Variants in GNS observed in about 807,000 individuals in gnomAD.
The protein encoded by GNS is N-acetylglucosamine-6-sulfatase.
A neutral mutation model predicts 69.7 loss-of-function variants in GNS; 40 were observed. That is an observed-to-expected ratio of 0.57 (90% CI 0.45 to 0.75). GNS has a LOEUF of 0.75. Among genes scored for constraint, GNS ranks in the 30% least tolerant of loss-of-function variants. GNS has a pLI of 0.00. For missense variants in GNS, 565 were observed against 685.5 expected (o/e 0.82, Z 1.96); for synonymous variants, 243 against 251.6 (o/e 0.97, Z 0.32).
intron 9 of GNS, among the ~76,000 whole-genome samples, chr12:64,732,427 C>G (rs372761887): frequency 2.0e-5 from 3 of 150,860 alleles, no homozygotes; most frequent in Admixed American, 2.0e-4. Context: ...CTCAGCCTCC[C>G]AAAGTGCTGG....
chr12:64,729,827 A>T (rs1869325584), intron 9 of GNS, among the ~76,000 whole-genome samples: 1 of 152,248 alleles, frequency 6.6e-6, no homozygotes, highest in Non-Finnish European at 1.5e-5. Context: ...ATTAATAAAA[A>T]CAGGTAAAAC....
At chr12:64,738,337 A>G (rs7137057) in intron 8 of GNS, among the ~76,000 whole-genome samples, 1 of 152,160 alleles carries the variant, frequency 6.6e-6, no homozygotes, top group Admixed American at 6.5e-5. Context: ...TAATAACCAG[A>G]GTCAGATGCA....
chr12:64,745,536 T>C (rs1023610405), intron 4 of GNS, 123 bp downstream of exon 4: 10 of 781,990 alleles, frequency 1.3e-5, no homozygotes, highest in Middle Eastern at 4.5e-4. Flanking sequence ...CAATAAATTT[T>C]AAGGTTTTTA....
At chr12:64,718,346 G>A (rs1298143985) in intron 13 of GNS, among the ~76,000 whole-genome samples, 2 of 152,244 alleles carry the variant, frequency 1.3e-5, no homozygotes, top group African/African-American at 2.4e-5. Flanking sequence ...CCAGCATCTA[G>A]CACTTTAGTT....
chr12:64,744,085 C>G (rs1385850673), intron 5 of GNS, among the ~76,000 whole-genome samples: 1 of 152,212 alleles, frequency 6.6e-6, no homozygotes, highest in Admixed American at 6.5e-5. Flanking sequence ...TAGCACTCTT[C>G]CCCCTGATCT....
At chr12:64,753,934 T>TCTTCATG (rs1870161800) in intron 1 of GNS, among the ~76,000 whole-genome samples, 1 of 152,176 alleles carries the variant, frequency 6.6e-6, no homozygotes, top group Non-Finnish European at 1.5e-5. Context: ...AATACTGGGC[T>TCTTCATG]TCATGAGACA....
intron 2 of GNS, among the ~76,000 whole-genome samples, chr12:64,750,368 G>A (rs1870041183): frequency 6.6e-6 from 1 of 151,902 alleles, no homozygotes; most frequent in Admixed American, 6.6e-5. Flanking sequence ...GTATTTTTAA[G>A]TATTTTTAGT....
intron 1 of GNS, among the ~76,000 whole-genome samples, chr12:64,755,113 G>A (rs1870207294): frequency 6.6e-6 from 1 of 152,054 alleles, no homozygotes; most frequent in Non-Finnish European, 1.5e-5. Context: ...CAGTCTTTAA[G>A]CAGCAGCCAA....
intron 1 of GNS, among the ~76,000 whole-genome samples, chr12:64,757,378 C>T (rs931016770): frequency 6.6e-6 from 1 of 152,146 alleles, no homozygotes; most frequent in Non-Finnish European, 1.5e-5. Context: ...CTAGAGAAGG[C>T]TTGCTTTTTC....
Position 64,743,204 on chromosome 12 carries a change from C to T in GNS, c.729G>A (p.Gln243=). 6.2e-7 allele frequency: 1 copy of T among 1,613,178 alleles called. No individual in the cohort carries two copies. The highest frequency in any genetic ancestry group is 8.5e-7 in the Non-Finnish European group (1 of 1,179,202). Residue 243 remains glutamine (Q), a synonymous_variant, in exon 6 of 14, where the codon CAG becomes CAA. Coordinates refer to ENST00000258145, the MANE Select transcript of GNS (RefSeq NM_002076.4). ...APHSPWTAAP[Q]YQKAFQNVFA... is the part of the protein sequence containing the mutation. ...AGACATTCTGGAAAGCCTTCTGGTA[C>T]TGAGGTGCAGCTGTCCAAGGCGAAT...
In GNS at chr12:64,744,352, A is replaced by G. The variant is rs183836610; in HGVS notation, c.624+457T>C. Among the ~76,000 whole-genome samples, 1,034 of 152,332 alleles carry G rather than the reference A, an allele frequency of 6.8e-3. 10 individuals carry two copies. The highest frequency in any genetic ancestry group is 0.017 in the Middle Eastern group (5 of 294). On this transcript the variant is annotated intron_variant, in intron 5 of 13. Coordinates refer to ENST00000258145, the MANE Select transcript of GNS (RefSeq NM_002076.4). ...TGAAGACTGTCATTAGAAACGCCTC[A>G]GAATAGGAAAGTCCCAATTTCACCT...
intron 1 of GNS, chr12:64,756,869 A>C: frequency 1.6e-6 from 1 of 619,684 alleles, no homozygotes; most frequent in Non-Finnish European, 2.8e-6. Context: ...AAAAAAAAGA[A>C]TCTGGGCCGA....
intron 10 of GNS, among the ~76,000 whole-genome samples, chr12:64,727,711 A>G (rs1006688090): frequency 6.6e-6 from 1 of 152,178 alleles, no homozygotes; most frequent in Non-Finnish European, 1.5e-5. Flanking sequence ...CGTAAAGAAG[A>G]TTCATGGTGG....
intron 1 of GNS, chr12:64,752,984 T>C: frequency 1.7e-6 from 1 of 576,674 alleles, no homozygotes; most frequent in South Asian, 2.1e-5. Context: ...GAAGGGAAAG[T>C]TCAGTTGATG....
At chr12:64,747,993 A>G (rs997167854) in intron 2 of GNS, 75 bp from the exon 3 acceptor site, 2 of 835,124 alleles carry the variant, frequency 2.4e-6, no homozygotes, top group African/African-American at 3.3e-5. Context: ...AAAGAGAGTA[A>G]AGAAAAGCTC....
At chr12:64,752,196 T>A (rs555874028) in intron 2 of GNS, among the ~76,000 whole-genome samples, 1 of 152,302 alleles carries the variant, frequency 6.6e-6, no homozygotes, top group East Asian at 1.9e-4. Flanking sequence ...CACTTAAACA[T>A]AACACTATGC....
rs762768601 is a variant in GNS, at chr12:64,728,972, G to A, written c.1184C>T (p.Ser395Phe). ...DLNKTQMDGMSLLPILRGASN... is the reference protein window; with the variant it reads ...DLNKTQMDGMFLLPILRGASN... The stretch of plus-strand genomic sequence containing the variant: ...TATACTTACCAAAATGGGCAATAAG[G>A]ACATCCCATCCATCTGTGTCTTATT... Residue 395 changes from serine to phenylalanine, a missense_variant, in exon 10 of 14, where the codon TCC (serine) becomes TTC (phenylalanine). Physicochemically the swap from Ser to Phe is radical, Grantham distance 155. Transcript: ENST00000258145. 2 of 1,556,034 alleles carry A rather than the reference G, an allele frequency of 1.3e-6. No individual in the cohort carries two copies. The highest frequency in any genetic ancestry group is 1.8e-6 in the Non-Finnish European group (2 of 1,126,982).
At chr12:64,720,308 C>T in intron 12 of GNS, 126 bp from the exon 13 acceptor site, 1 of 710,636 alleles carries the variant, frequency 1.4e-6, no homozygotes, top group Non-Finnish European at 2.5e-6. Context: ...AATCAAGGCC[C>T]TGGAGACTCT....
intron 1 of GNS, among the ~76,000 whole-genome samples, chr12:64,758,170 A>G (rs1201358569): frequency 2.0e-5 from 3 of 152,170 alleles, no homozygotes; most frequent in Non-Finnish European, 4.4e-5. Context: ...CACCCATTAG[A>G]TAGAAAATGA....
Sources: allele counts gnomAD v4.1 joint callset (sites outside exome capture counted in the v4.1 genomes callset), GRCh38; gene constraint gnomAD v4.1.1; transcripts MANE v1.5; gene names NCBI Gene and HGNC (gene_info 2026-07-23, HGNC 2026-07-21).